The following WDPCP variants were observed in gnomAD, a reference collection of about 807,000 sequenced individuals.
WDPCP encodes the protein WD repeat-containing and planar cell polarity effector protein fritz homolog.
WDPCP carries 71 observed loss-of-function variants against 93.1 expected under a neutral mutation model. That is an observed-to-expected ratio of 0.76 (90% CI 0.63 to 0.93). WDPCP has a LOEUF of 0.93. Among genes scored for constraint, WDPCP ranks in the 40% least tolerant of loss-of-function variants. WDPCP has a pLI of 0.00. For missense variants in WDPCP, 844 were observed against 887.4 expected (o/e 0.95, Z 0.62); for synonymous variants, 315 against 315.0 (o/e 1.00, Z 0.00).
rs886823216 is a variant in WDPCP at position 63,120,176 on chromosome 2, A to G, written c.*1830T>C. Among the ~76,000 whole-genome samples the G allele has an allele frequency of 2.6e-5, 4 of 152,088 alleles. No homozygotes were observed. The highest frequency in any genetic ancestry group is 4.8e-5 in the African/African-American group (2 of 41,414). On this transcript the variant is annotated 3_prime_UTR_variant, in exon 18 of 18. Coordinates refer to ENST00000272321, the MANE Select transcript of WDPCP (RefSeq NM_015910.7). ...AATTCTGCAATCTTGACAAAACCCTATTTTTTTAAATACAATTTTTTCTCT... is the reference window on the plus strand; with the variant it reads ...AATTCTGCAATCTTGACAAAACCCTGTTTTTTTAAATACAATTTTTTCTCT...
intron 1 of WDPCP, among the ~76,000 whole-genome samples, chr2:63,503,907 G>GAA (rs3051720): frequency 3.7e-5 from 5 of 135,170 alleles, no homozygotes; most frequent in Admixed American, 7.3e-5. Context: ...GAGCTCAAAT[G>GAA]AAAAAAAAAA....
chr2:63,628,863 C>T (rs1333952321), intron 3 of WDPCP, among the ~76,000 whole-genome samples: 1 of 152,182 alleles, frequency 6.6e-6, no homozygotes, highest in Non-Finnish European at 1.5e-5. Context: ...GACCACAATA[C>T]AGAAAACCAA....
chr2:63,768,367 G>A (rs1360911121), intron 2 of WDPCP, among the ~76,000 whole-genome samples: 1 of 149,430 alleles, frequency 6.7e-6, no homozygotes, highest in African/African-American at 2.5e-5. Flanking sequence ...AATTGTTTTG[G>A]CTATTCCAGG....
rs1694427292 is a variant in WDPCP, at chr2:63,404,651, T to C, written c.832A>G (p.Ser278Gly). The C allele has an allele frequency of 5.0e-6, 8 of 1,614,032 alleles. No homozygotes were observed. The East Asian group carries it at 1.8e-4, about 36-fold the overall frequency. ...GGGTCCCATTCTGTGCGGACAGAAC[T>C]CAGAACCTGTTAAGAAATATATCAA... Reference protein sequence around the residue: ...GYAQGRLEVLSSVRTEWDPLD... With the variant: ...GYAQGRLEVLGSVRTEWDPLD... The change falls in exon 10 of 18, where the codon AGT becomes GGT. Residue 278 changes from serine (S) to glycine (G), a missense_variant. Ser to Gly is a moderately conservative substitution (Grantham distance 56). Coordinates refer to ENST00000272321, the MANE Select transcript of WDPCP (RefSeq NM_015910.7).
intron 6 of WDPCP, among the ~76,000 whole-genome samples, chr2:63,471,732 G>A (rs956648070): frequency 6.6e-6 from 1 of 152,116 alleles, no homozygotes; most frequent in Non-Finnish European, 1.5e-5. Flanking sequence ...GCTGCTCTCT[G>A]AGACTAAGGC....
At chr2:63,299,962 G>C (rs1685198664) in intron 13 of WDPCP, among the ~76,000 whole-genome samples, 1 of 152,094 alleles carries the variant, frequency 6.6e-6, no homozygotes, top group Non-Finnish European at 1.5e-5. Context: ...TTCTCTGCCA[G>C]CCACGTGTGC....
rs779307880 is a variant in WDPCP, at chr2:63,153,591, T to G, written c.2079-17A>C. ...ATTATTTGTCTGCAGTATATGGGTG[T>G]TTTTAATTGGAAAAAGGATTAAAAA... On this transcript the variant is annotated splice_polypyrimidine_tract_variant and intron_variant, in intron 15 of 17. Coordinates refer to ENST00000272321, the MANE Select transcript of WDPCP (RefSeq NM_015910.7). 3 of 1,588,354 alleles carry G rather than the reference T, an allele frequency of 1.9e-6. No individual in the cohort carries two copies. The South Asian group carries it at 3.5e-5, about 18-fold the overall frequency.
chr2:63,419,192 G>T (rs889683441), intron 9 of WDPCP, among the ~76,000 whole-genome samples: 35 of 152,088 alleles, frequency 2.3e-4, no homozygotes, highest in African/African-American at 7.7e-4. Flanking sequence ...ACCCAGGTTG[G>T]GGTGCAGTGC....
intron 2 of WDPCP, among the ~76,000 whole-genome samples, chr2:63,813,004 C>T (rs1361115497): frequency 1.3e-5 from 2 of 151,854 alleles, no homozygotes; most frequent in African/African-American, 4.8e-5. Flanking sequence ...AGGCACATAA[C>T]ACCACACTCA....
chr2:63,465,677 C>G (rs1401010137), intron 6 of WDPCP, among the ~76,000 whole-genome samples: 2 of 152,136 alleles, frequency 1.3e-5, no homozygotes, highest in African/African-American at 4.8e-5. Flanking sequence ...TAACTACTTA[C>G]TAACAAGTTG....
intron 17 of WDPCP, among the ~76,000 whole-genome samples, chr2:63,128,793 C>T (rs963333357): frequency 1.3e-5 from 2 of 152,178 alleles, no homozygotes; most frequent in African/African-American, 2.4e-5. Flanking sequence ...CTCAACCTCT[C>T]GAGTAGCTGG....
chr2:63,769,432 G>A (rs1291321476), intron 2 of WDPCP, among the ~76,000 whole-genome samples: 5 of 151,938 alleles, frequency 3.3e-5, no homozygotes, highest in African/African-American at 1.2e-4. Flanking sequence ...TAAAGTAGCA[G>A]CTAAAATATT....
At chr2:63,406,110 A>G (rs1325124225) in intron 9 of WDPCP, among the ~76,000 whole-genome samples, 2 of 152,154 alleles carry the variant, frequency 1.3e-5, no homozygotes, top group Non-Finnish European at 2.9e-5. Context: ...AAAAAAGCAC[A>G]TAGAGCTGTG....
intron 3 of WDPCP, among the ~76,000 whole-genome samples, chr2:63,645,625 T>C (rs1260824859): frequency 1.3e-5 from 2 of 152,242 alleles, no homozygotes; most frequent in African/African-American, 4.8e-5. Context: ...GCTATTATTA[T>C]ATTGGAGTCT....
intron 8 of WDPCP, among the ~76,000 whole-genome samples, chr2:63,436,834 C>A (rs917078557): frequency 5.9e-5 from 9 of 152,178 alleles, no homozygotes; most frequent in African/African-American, 2.2e-4. Context: ...AATAAAAATT[C>A]TGCCTTAATA....
intron 1 of WDPCP, among the ~76,000 whole-genome samples, chr2:63,562,532 A>C (rs77439043): frequency 0.014 from 2,180 of 152,240 alleles, 52 homozygotes; most frequent in African/African-American, 0.05. Flanking sequence ...AAAATAATAA[A>C]ATTTTTAAAA....
At chr2:63,447,942 T>C (rs1174690568) in intron 6 of WDPCP, among the ~76,000 whole-genome samples, 3 of 152,130 alleles carry the variant, frequency 2.0e-5, no homozygotes, top group Non-Finnish European at 4.4e-5. Flanking sequence ...CATATAGTTT[T>C]TACTATATAT....
rs545998160 is a variant in WDPCP, at chr2:63,189,753, T to C, written c.1916-14921A>G. Among the ~76,000 whole-genome samples, 13 of 152,304 alleles carry C rather than the reference T, an allele frequency of 8.5e-5. 2 individuals are homozygous for C. In the South Asian group the frequency reaches 2.7e-3, roughly 32 times the overall value. On this transcript the variant is annotated intron_variant, in intron 14 of 17. Transcript: ENST00000272321. The stretch of plus-strand genomic sequence containing the variant: ...TATGGACTGTCTCCTCCCAAAACTT[T>C]CTGTAATACATTCTGCTTGGATATG...
chr2:63,145,715 T>G (rs1372243862), intron 17 of WDPCP, among the ~76,000 whole-genome samples: 1 of 152,218 alleles, frequency 6.6e-6, no homozygotes, highest in Non-Finnish European at 1.5e-5. Context: ...GCCTGAATTT[T>G]AAAGTAGTTT....
Sources: allele counts gnomAD v4.1 joint callset (sites outside exome capture counted in the v4.1 genomes callset), GRCh38; gene constraint gnomAD v4.1.1; transcripts MANE v1.5; gene names NCBI Gene and HGNC (gene_info 2026-07-23, HGNC 2026-07-21).